The following FLRT2 variants were observed in gnomAD, a reference collection of about 807,000 sequenced individuals.
The protein encoded by FLRT2 is leucine-rich repeat transmembrane protein FLRT2.
Under a neutral mutation model 40.0 loss-of-function variants are expected in FLRT2, and 15 were observed. The ratio of observed to expected loss-of-function variants is 0.38; its 90% confidence interval spans 0.25 to 0.58. The LOEUF is 0.58. FLRT2 is among the 20% of genes least tolerant of loss of function. The pLI is 0.71. For missense variants in FLRT2, 726 were observed against 840.0 expected (o/e 0.86, Z 1.68); for synonymous variants, 380 against 336.8 (o/e 1.13, Z -1.41).
chr14:85,549,312 G>A (rs2139822011), intron 1 of FLRT2, among the ~76,000 whole-genome samples: 1 of 152,238 alleles, frequency 6.6e-6, no homozygotes, highest in African/African-American at 2.4e-5. Flanking sequence ...GGGGGCTTGT[G>A]GGCAACTCCT....
At position 85,645,594 on chromosome 14, in the gene FLRT2, G is replaced by C. The variant is rs1043528628; in HGVS notation, c.*22097G>C. 6.6e-6 allele frequency: 1 copy of C among 152,080 alleles called. No individual in the cohort carries two copies. Among genetic ancestry groups the C allele is most frequent in the Non-Finnish European group, 1.5e-5 (1 of 68,008 alleles). The allele number at this position is 152,080 out of a possible 1,614,324, so 9.4% of individuals were successfully genotyped here. A position where few individuals can be genotyped will look rare whatever the true frequency, so the allele number is the denominator to read the frequency against. ...ATAAGGAGACTTAGGGAAGAAATAC[G>C]TGTTAAGGATTGTTCATAAGTGGCA... On this transcript the variant is annotated 3_prime_UTR_variant, in exon 2 of 2. Transcript: ENST00000330753.
At chr14:85,611,895 A>AGT in intron 1 of FLRT2, among the ~76,000 whole-genome samples, 1 of 139,678 alleles carries the variant, frequency 7.2e-6, no homozygotes, top group Non-Finnish European at 1.6e-5. Context: ...GGAGAGAGAG[A>AGT]GAGAGCGCGC....
rs201674807 is a variant in FLRT2, at chr14:85,651,261, TTGTGTGTGTG to T, written c.*27784_*27793del. ...CATAGCCTGGAAAGTATTCGTTTGTTTGTGTGTGTGTGTGTGTGTGTGTGTGTGTATTTGT... is the reference window on the plus strand; with the variant it reads ...CATAGCCTGGAAAGTATTCGTTTGTTTGTGTGTGTGTGTGTGTGTATTTGT... On this transcript the variant is annotated 3_prime_UTR_variant, in exon 2 of 2. Coordinates refer to ENST00000330753, the MANE Select transcript of FLRT2 (RefSeq NM_013231.6). 1 of 105,138 alleles carries T rather than the reference TTGTGTGTGTG, an allele frequency of 9.5e-6. No homozygotes were observed. Among genetic ancestry groups the T allele is most frequent in the Non-Finnish European group, 2.3e-5 (1 of 42,600 alleles). 6.5% of individuals were successfully genotyped at this position (105,138 alleles called of 1,614,324 possible).
intron 1 of FLRT2, among the ~76,000 whole-genome samples, chr14:85,607,552 C>G (rs1368882880): frequency 6.6e-6 from 1 of 152,074 alleles, no homozygotes; most frequent in African/African-American, 2.4e-5. Context: ...GTTTTCGGCT[C>G]CAGGAAGAAA....
chr14:85,550,894 C>A (rs1889581292), intron 1 of FLRT2, among the ~76,000 whole-genome samples: 1 of 152,144 alleles, frequency 6.6e-6, no homozygotes, highest in Non-Finnish European at 1.5e-5. Context: ...TTAAAAATAA[C>A]AAGAATAATT....
chr14:85,536,678 G>A (rs193173780), intron 1 of FLRT2, among the ~76,000 whole-genome samples: 13 of 150,016 alleles, frequency 8.7e-5, no homozygotes, highest in African/African-American at 1.5e-4. Context: ...TGAAGATGAC[G>A]TCAGGGTGCT....
At chr14:85,589,977 A>G (rs1891806733) in intron 1 of FLRT2, among the ~76,000 whole-genome samples, 1 of 151,448 alleles carries the variant, frequency 6.6e-6, no homozygotes, top group Non-Finnish European at 1.5e-5. Context: ...TTATGCCAGT[A>G]CCACGCTGTT....
At chr14:85,577,896 A>T (rs376789814) in intron 1 of FLRT2, among the ~76,000 whole-genome samples, 33 of 150,584 alleles carry the variant, frequency 2.2e-4, no homozygotes, top group African/African-American at 8.0e-4. Context: ...TTACTTTTTT[A>T]TTTTTTTTCA....
At position 85,641,256 on chromosome 14, in the gene FLRT2, C is replaced by T. The variant is rs1894141998; in HGVS notation, c.*17759C>T. Reference sequence around the variant, plus strand: ...ATGGCTTATTGGTATTCATTATTCCCAATTCCTTCTATATGCCTTCCTTTC... The same window carrying T: ...ATGGCTTATTGGTATTCATTATTCCTAATTCCTTCTATATGCCTTCCTTTC... On this transcript the variant is annotated 3_prime_UTR_variant, in exon 2 of 2. Transcript: ENST00000330753. 1 of 152,224 alleles carries T rather than the reference C, an allele frequency of 6.6e-6. No homozygotes were observed. The highest frequency in any genetic ancestry group is 1.5e-5 in the Non-Finnish European group (1 of 68,038). 9.4% of individuals were successfully genotyped at this position (152,224 alleles called of 1,614,324 possible).
rs1417038711 is a variant in FLRT2, at chr14:85,632,471, A to G, written c.*8974A>G. On this transcript the variant is annotated 3_prime_UTR_variant, in exon 2 of 2. Coordinates refer to ENST00000330753, the MANE Select transcript of FLRT2 (RefSeq NM_013231.6). ...TGGTGACAGAGTGAGACTCAAAAAA[A>G]AAAAAAAAAAAATCACCTTGCAACA... 1 of 151,772 alleles carries G rather than the reference A, an allele frequency of 6.6e-6. No individual in the cohort carries two copies. Among genetic ancestry groups the G allele is most frequent in the Non-Finnish European group, 1.5e-5 (1 of 67,996 alleles). 9.4% of individuals were successfully genotyped at this position (151,772 alleles called of 1,614,324 possible). A position where few individuals can be genotyped will look rare whatever the true frequency, so the allele number is the denominator to read the frequency against.
rs1893862477 is a variant in FLRT2 at position 85,631,129 on chromosome 14, T to TATATATATATATATATATATATA, written c.*7632_*7633insATATATATATATATATATATATA. On this transcript the variant is annotated 3_prime_UTR_variant, in exon 2 of 2. Transcript: ENST00000330753. ...TCTAGATTTTATATATATATATATA[T>TATATATATATATATATATATATA]GAAATGAGCAAACAAAATGCTTTCA... is the stretch of plus-strand genomic sequence containing the variant. 1.4e-5 allele frequency: 2 copies of TATATATATATATATATATATATA among 138,096 alleles called. No homozygotes were observed. The highest frequency in any genetic ancestry group is 1.5e-5 in the Non-Finnish European group (1 of 65,392). 8.6% of individuals were successfully genotyped at this position (138,096 alleles called of 1,614,324 possible). A position where few individuals can be genotyped will look rare whatever the true frequency, so the allele number is the denominator to read the frequency against.
At chr14:85,543,927 TC>T (rs1386257556) in intron 1 of FLRT2, among the ~76,000 whole-genome samples, 2 of 152,282 alleles carry the variant, frequency 1.3e-5, no homozygotes, top group Admixed American at 1.3e-4. Context: ...CATGTCTATC[TC>T]GCTCATTAGA....
chr14:85,538,796 C>G (rs1888817646), intron 1 of FLRT2, among the ~76,000 whole-genome samples: 1 of 152,122 alleles, frequency 6.6e-6, no homozygotes, highest in African/African-American at 2.4e-5. Context: ...GGTCATATGG[C>G]TGAATGGAAA....
rs1316261526 is a variant in FLRT2, at chr14:85,623,109, C to G, written c.1595C>G (p.Thr532Arg). The G allele has an allele frequency of 6.2e-7, 1 of 1,611,766 alleles. No homozygotes were observed. Among genetic ancestry groups the G allele is most frequent in the Non-Finnish European group, 8.5e-7 (1 of 1,178,602 alleles). Reference sequence around the variant, plus strand: ...AACACAGCGTCCAGCCATGAGCAGACGACGTCCCACAGCATGGGCTCCCCC... The same window carrying G: ...AACACAGCGTCCAGCCATGAGCAGAGGACGTCCCACAGCATGGGCTCCCCC... ...GSNTASSHEQ[T>R]TSHSMGSPFL... Residue 532 changes from threonine to arginine, a missense_variant, in exon 2 of 2, where the codon ACG (threonine) becomes AGG (arginine). Thr to Arg is a moderately conservative substitution (Grantham distance 71, BLOSUM62 -1). This residue lies in a region of FLRT2 where 611 missense variants were observed against 690.0 expected (regional missense o/e 0.89). Coordinates refer to ENST00000330753, the MANE Select transcript of FLRT2 (RefSeq NM_013231.6).
At chr14:85,562,751 T>C (rs1890423365) in intron 1 of FLRT2, 1 of 151,888 alleles carries the variant, frequency 6.6e-6, no homozygotes, top group Non-Finnish European at 1.5e-5. Context: ...CGTCACATGA[T>C]TGCATCATGT....
intron 1 of FLRT2, among the ~76,000 whole-genome samples, chr14:85,581,585 C>A (rs952720311): frequency 1.3e-5 from 2 of 152,098 alleles, no homozygotes; most frequent in African/African-American, 2.4e-5. Flanking sequence ...AAGTTGACTC[C>A]AGAATGGAGA....
chr14:85,549,138 C>A (rs1452430245), intron 1 of FLRT2, among the ~76,000 whole-genome samples: 1 of 152,284 alleles, frequency 6.6e-6, no homozygotes, highest in East Asian at 1.9e-4. Context: ...TTACCATCTT[C>A]AATTCATTTG....
intron 1 of FLRT2, among the ~76,000 whole-genome samples, chr14:85,535,252 C>T (rs1888574314): frequency 1.3e-5 from 2 of 151,992 alleles, no homozygotes; most frequent in South Asian, 4.2e-4. Context: ...TAATTTCTCA[C>T]AACCAAAAGC....
intron 1 of FLRT2, among the ~76,000 whole-genome samples, chr14:85,548,565 T>G (rs1485556389): frequency 6.6e-6 from 1 of 152,240 alleles, no homozygotes; most frequent in African/African-American, 2.4e-5. Context: ...ATAGTTTATA[T>G]TGAAGAGATG....
Sources: gnomAD v4.1 joint callset for allele counts (sites outside exome capture counted in the v4.1 genomes callset) on GRCh38, gnomAD v4.1.1 for gene constraint, gnomAD v4.1.1 regional missense constraint, MANE v1.5 for transcripts, NCBI Gene and HGNC (gene_info 2026-07-23, HGNC 2026-07-21) for gene names.